Variants in PLCB1 observed in about 807,000 individuals in gnomAD.
PLCB1 encodes the protein 1-phosphatidylinositol 4,5-bisphosphate phosphodiesterase beta-1.
A neutral mutation model predicts 161.8 loss-of-function variants in PLCB1; 46 were observed. The ratio of observed to expected loss-of-function variants is 0.28; its 90% CI spans 0.22 to 0.36. The LOEUF is 0.36. Among genes scored for constraint, PLCB1 ranks in the 10% least tolerant of loss-of-function variants. The pLI is 1.00. For synonymous variants in PLCB1, 517 were observed against 503.7 expected, an observed-to-expected ratio of 1.03 and a Z score of -0.35; for missense variants, 1,016 against 1,472.5, an observed-to-expected ratio of 0.69 and a Z score of 5.07.
intron 2 of PLCB1, among the ~76,000 whole-genome samples, chr20:8,285,999 A>G (rs1293125623): frequency 6.6e-6 from 1 of 152,214 alleles, no homozygotes; most frequent in African/African-American, 2.4e-5. Context: ...GTCATTTTAT[A>G]AGGAATCCAA....
chr20:8,617,861 C>T (rs1305119362), intron 3 of PLCB1, among the ~76,000 whole-genome samples: 1 of 152,048 alleles, frequency 6.6e-6, no homozygotes, highest in Non-Finnish European at 1.5e-5. Context: ...TTTTTAATCC[C>T]ATATCATATA....
intron 3 of PLCB1, among the ~76,000 whole-genome samples, chr20:8,430,390 A>G (rs1979986286): frequency 6.7e-6 from 1 of 149,964 alleles, no homozygotes; most frequent in Non-Finnish European, 1.5e-5. Flanking sequence ...GAAATGTTTC[A>G]GGAAAACTGG....
chr20:8,805,940 A>G (rs1984516603), intron 31 of PLCB1, among the ~76,000 whole-genome samples: 2 of 152,296 alleles, frequency 1.3e-5, no homozygotes, highest in South Asian at 4.1e-4. Flanking sequence ...TTGAGTGGCT[A>G]GAAGGGATAC....
chr20:8,308,659 C>T (rs560370904), intron 2 of PLCB1, among the ~76,000 whole-genome samples: 1 of 149,390 alleles, frequency 6.7e-6, no homozygotes, highest in African/African-American at 2.5e-5. Context: ...TATGAATGTT[C>T]CTGTTTTACA....
At chr20:8,851,518 G>A (rs1010685969) in intron 31 of PLCB1, among the ~76,000 whole-genome samples, 2 of 152,074 alleles carry the variant, frequency 1.3e-5, no homozygotes, top group African/African-American at 2.4e-5. Flanking sequence ...ATGGTAGTGG[G>A]TTACTTTTTG....
chr20:8,468,120 A>T (rs1981898940), intron 3 of PLCB1, among the ~76,000 whole-genome samples: 1 of 152,176 alleles, frequency 6.6e-6, no homozygotes, highest in Admixed American at 6.6e-5. Context: ...CAAAACTAAT[A>T]AATGGTCCTG....
At chr20:8,279,627 A>G (rs983352920) in intron 2 of PLCB1, among the ~76,000 whole-genome samples, 2 of 152,202 alleles carry the variant, frequency 1.3e-5, no homozygotes, top group Admixed American at 1.3e-4. Flanking sequence ...TTACCATAAT[A>G]AAAAAACAAA....
At chr20:8,457,294 C>T (rs1176210082) in intron 3 of PLCB1, among the ~76,000 whole-genome samples, 1 of 152,270 alleles carries the variant, frequency 6.6e-6, no homozygotes, top group East Asian at 1.9e-4. Flanking sequence ...ACCTCCACCA[C>T]TTACCAGTCA....
chr20:8,761,289 A>G (rs1982011089), intron 25 of PLCB1, among the ~76,000 whole-genome samples: 1 of 152,220 alleles, frequency 6.6e-6, no homozygotes, highest in Non-Finnish European at 1.5e-5. Flanking sequence ...TTTGGATTAT[A>G]CTTGGTGGGA....
chr20:8,225,315 C>T (rs180813897), intron 2 of PLCB1, among the ~76,000 whole-genome samples: 9 of 152,002 alleles, frequency 5.9e-5, no homozygotes, highest in Non-Finnish European at 1.3e-4. Flanking sequence ...GGATTTTTTA[C>T]AATAGGGTCT....
intron 2 of PLCB1, among the ~76,000 whole-genome samples, chr20:8,273,523 C>A (rs1982385494): frequency 6.6e-6 from 1 of 152,086 alleles, no homozygotes; most frequent in Non-Finnish European, 1.5e-5. Flanking sequence ...ATAATATAGG[C>A]AGGCACTAAT....
intron 4 of PLCB1, among the ~76,000 whole-genome samples, chr20:8,638,628 T>C (rs1331617890): frequency 6.6e-6 from 1 of 152,200 alleles, no homozygotes; most frequent in Non-Finnish European, 1.5e-5. Context: ...AACTAGGACG[T>C]AGAAGTGATC....
At chr20:8,325,658 G>A (rs1985122568) in intron 2 of PLCB1, among the ~76,000 whole-genome samples, 1 of 152,136 alleles carries the variant, frequency 6.6e-6, no homozygotes, top group Non-Finnish European at 1.5e-5. Context: ...TAAGTGACAC[G>A]TGTAAGGCCA....
At chr20:8,255,681 C>T (rs1981372394) in intron 2 of PLCB1, among the ~76,000 whole-genome samples, 2 of 151,702 alleles carry the variant, frequency 1.3e-5, no homozygotes, top group South Asian at 2.1e-4. Context: ...AAAAAATATA[C>T]CAAGGAAAAT....
chr20:8,809,027 T>A (rs1984680355), intron 31 of PLCB1, among the ~76,000 whole-genome samples: 1 of 152,222 alleles, frequency 6.6e-6, no homozygotes, highest in Non-Finnish European at 1.5e-5. Flanking sequence ...AGACAGGGTC[T>A]CACTGTGTTT....
chr20:8,860,478 C>T (rs916890923), intron 31 of PLCB1, among the ~76,000 whole-genome samples: 2 of 152,168 alleles, frequency 1.3e-5, no homozygotes, highest in Non-Finnish European at 1.5e-5. Flanking sequence ...TTAACTTTGC[C>T]TTGGCTCACT....
intron 12 of PLCB1, among the ~76,000 whole-genome samples, chr20:8,709,394 T>A (rs911482694): frequency 6.6e-6 from 1 of 152,224 alleles, no homozygotes; most frequent in Non-Finnish European, 1.5e-5. Context: ...GTATATTAGT[T>A]TATCATGTAG....
chr20:8,383,942 C>A (rs1346715568), intron 3 of PLCB1, among the ~76,000 whole-genome samples: 1 of 152,142 alleles, frequency 6.6e-6, no homozygotes, highest in Non-Finnish European at 1.5e-5. Flanking sequence ...TTCTCTCTGG[C>A]TGCTCTTAAC....
intron 9 of PLCB1, among the ~76,000 whole-genome samples, chr20:8,674,694 G>C (rs998554938): frequency 5.3e-5 from 8 of 152,144 alleles, no homozygotes; most frequent in Non-Finnish European, 8.8e-5. Flanking sequence ...CTCTCTTCAG[G>C]ACATCAGGCT....
Sources: gnomAD v4.1 joint callset for allele counts (sites outside exome capture counted in the v4.1 genomes callset) on GRCh38, gnomAD v4.1.1 for gene constraint, MANE v1.5 for transcripts, NCBI Gene and HGNC (gene_info 2026-07-23, HGNC 2026-07-21) for gene names.